SPATA13: variants seen among roughly 807,000 people sequenced by gnomAD.
SPATA13 encodes spermatogenesis-associated protein 13.
In SPATA13, 50 loss-of-function variants were observed where a neutral mutation model predicts 104.0. That is an observed-to-expected ratio of 0.48 (90% CI 0.38 to 0.61). SPATA13 has a LOEUF of 0.61. SPATA13 is among the 20% of genes least tolerant of loss of function. SPATA13 has a pLI of 0.00. For synonymous variants in SPATA13, 606 were observed against 667.5 expected (o/e 0.91, Z 1.42); for missense variants, 1,524 against 1,690.6 (o/e 0.90, Z 1.73).
At chr13:24,113,673 C>T (rs1880723422) in intron 3 of SPATA13, among the ~76,000 whole-genome samples, 1 of 151,694 alleles carries the variant, frequency 6.6e-6, no homozygotes, top group African/African-American at 2.4e-5. Flanking sequence ...AGATCCAGAC[C>T]ATCCTGGCCA....
intron 3 of SPATA13, chr13:24,123,849 A>T: frequency 1.4e-6 from 1 of 728,082 alleles, no homozygotes; most frequent in Non-Finnish European, 2.4e-6. Context: ...CCATTGGGGA[A>T]TATACAGGAA....
At chr13:24,068,656 T>C (rs1367772790) in intron 3 of SPATA13, among the ~76,000 whole-genome samples, 1 of 152,246 alleles carries the variant, frequency 6.6e-6, no homozygotes, top group Non-Finnish European at 1.5e-5. Context: ...CTGTTATTTT[T>C]GGACTATTTT....
chr13:24,074,654 G>A (rs7998390), intron 3 of SPATA13, among the ~76,000 whole-genome samples: 46,165 of 151,854 alleles, frequency 0.3, 7,288 homozygotes, highest in Middle Eastern at 0.35. Context: ...AAAAACCCTT[G>A]TAGGAATTAG....
intron 3 of SPATA13, chr13:24,123,328 C>G (rs1391416897): frequency 7.2e-7 from 1 of 1,394,578 alleles, no homozygotes; most frequent in Non-Finnish European, 1.0e-6. Context: ...AGGTTCTGAT[C>G]ACTTTCGAAC....
intron 1 of SPATA13, among the ~76,000 whole-genome samples, chr13:24,166,950 A>G (rs1882758750): frequency 6.6e-6 from 1 of 152,228 alleles, no homozygotes; most frequent in Admixed American, 6.5e-5. Context: ...GGACACATAC[A>G]TTCAGACCGT....
Position 24,304,873 on chromosome 13 carries a change from AACAG to A in SPATA13, c.*2104_*2107del, listed in dbSNP as rs1339663417. 1 of 152,136 alleles carries A rather than the reference AACAG, an allele frequency of 6.6e-6. No individual in the cohort carries two copies. The highest frequency in any genetic ancestry group is 1.5e-5 in the Non-Finnish European group (1 of 68,028). The allele number at this position is 152,136 out of a possible 1,614,324, so 9.4% of individuals were successfully genotyped here. Reference sequence around the variant, plus strand: ...TGTGTGTGTGTATGTTTCCTTCTTGAACAGACATTCCAACTTTAGATGTGTTTAT... The same window carrying A: ...TGTGTGTGTGTATGTTTCCTTCTTGAACATTCCAACTTTAGATGTGTTTAT... On this transcript the variant is annotated 3_prime_UTR_variant, in exon 13 of 13. Coordinates refer to ENST00000382108, the MANE Select transcript of SPATA13 (RefSeq NM_001166271.3).
At chr13:24,200,652 C>T (rs545789205) in intron 1 of SPATA13, among the ~76,000 whole-genome samples, 2 of 151,434 alleles carry the variant, frequency 1.3e-5, no homozygotes, top group Admixed American at 6.6e-5. Flanking sequence ...GCATAACATA[C>T]GAGATGTGAA....
At chr13:24,244,483 T>G (rs897198221) in intron 2 of SPATA13, among the ~76,000 whole-genome samples, 3 of 152,260 alleles carry the variant, frequency 2.0e-5, no homozygotes, top group African/African-American at 7.2e-5. Flanking sequence ...TAACATAGCC[T>G]ATATTGGCTT....
intron 2 of SPATA13, among the ~76,000 whole-genome samples, chr13:24,233,327 A>G (rs1477495716): frequency 6.6e-6 from 1 of 152,218 alleles, no homozygotes; most frequent in Non-Finnish European, 1.5e-5. Context: ...TTAGTGTTTT[A>G]TGATATTTCC....
At chr13:24,130,264 G>A (rs1379100050) in intron 3 of SPATA13, among the ~76,000 whole-genome samples, 3 of 152,172 alleles carry the variant, frequency 2.0e-5, no homozygotes, top group South Asian at 2.1e-4. Flanking sequence ...TCACACACAC[G>A]GCCAGTGGGA....
At chr13:24,196,076 A>T (rs1870039025) in intron 1 of SPATA13, among the ~76,000 whole-genome samples, 2 of 152,194 alleles carry the variant, frequency 1.3e-5, no homozygotes, top group Non-Finnish European at 2.9e-5. Context: ...GGTGCCAAGA[A>T]ATTCAACTAA....
rs576051998 is a variant in SPATA13, at chr13:24,011,478, G to C, written c.-146-6189G>C. On this transcript the variant is annotated intron_variant, in intron 2 of 14. Transcript: ENST00000424834. This position sits in a 1 kb window ranked among gnomAD's most constrained non-coding sequence, Gnocchi z 4.3. ...GCAGGTGGTTGAGAGTGTCCCTGCTGGTGAGGACAGAACCTGGAATTCTGT... is the reference window on the plus strand; with the variant it reads ...GCAGGTGGTTGAGAGTGTCCCTGCTCGTGAGGACAGAACCTGGAATTCTGT... Among the ~76,000 whole-genome samples, 1 of 152,296 alleles carries C rather than the reference G, an allele frequency of 6.6e-6. No homozygotes were observed. Among genetic ancestry groups the C allele is most frequent in the South Asian group, 2.1e-4 (1 of 4,812 alleles).
In SPATA13 at chr13:23,986,321, C is replaced by CA. The variant is rs202214256; in HGVS notation, c.-147+2389dup. Among the ~76,000 whole-genome samples, 1,036 of 152,282 alleles carry CA rather than the reference C, an allele frequency of 6.8e-3. 18 individuals carry two copies. Among genetic ancestry groups the CA allele is most frequent in the African/African-American group, 0.024 (999 of 41,552 alleles). On this transcript the variant is annotated intron_variant, in intron 2 of 14. Coordinates refer to the SPATA13 transcript ENST00000424834. Reference sequence around the variant, plus strand: ...TAAGAATTTTATTTAGATAACAAGACAGAGATCAGAATGGGCCAGAGGAGC... The same window carrying CA: ...TAAGAATTTTATTTAGATAACAAGACAAGAGATCAGAATGGGCCAGAGGAGC...
intron 1 of SPATA13, among the ~76,000 whole-genome samples, chr13:24,200,315 G>A (rs2138569403): frequency 6.6e-6 from 1 of 152,228 alleles, no homozygotes; most frequent in Non-Finnish European, 1.5e-5. Context: ...TAGCCCTGTT[G>A]TATGTTTCAT....
intron 3 of SPATA13, among the ~76,000 whole-genome samples, chr13:24,149,858 T>TG (rs1273272148): frequency 4.0e-5 from 6 of 151,852 alleles, no homozygotes; most frequent in Admixed American, 3.9e-4. Context: ...TGACAGGAGT[T>TG]GGGGGTGTTT....
chr13:24,121,478 A>G (rs1272747430), intron 3 of SPATA13, among the ~76,000 whole-genome samples: 1 of 152,188 alleles, frequency 6.6e-6, no homozygotes, highest in African/African-American at 2.4e-5. Context: ...TGATTTTTAT[A>G]ATCAGTTATG....
chr13:24,169,589 C>G (rs1882881710), intron 1 of SPATA13, among the ~76,000 whole-genome samples: 1 of 152,186 alleles, frequency 6.6e-6, no homozygotes, highest in South Asian at 2.1e-4. Flanking sequence ...CTATAACTTC[C>G]CTTCCCGAGG....
Position 24,297,572 on chromosome 13 carries a change from G to A in SPATA13, c.3420G>A (p.Gly1140=), listed in dbSNP as rs1876878097. 6.2e-7 allele frequency: 1 copy of A among 1,614,222 alleles called. No individual in the cohort carries two copies. Among genetic ancestry groups the A allele is most frequent in the Non-Finnish European group, 8.5e-7 (1 of 1,180,042 alleles). Residue 1140 remains glycine (G), a synonymous_variant, in exon 11 of 13, where the codon GGG becomes GGA. Coordinates refer to ENST00000382108, the MANE Select transcript of SPATA13 (RefSeq NM_001166271.3). ...TGGAGCTTGTGGACCTGGGGGATGGGCGCGACAAGGACTGCAACCTCAGCG... is the reference window on the plus strand; with the variant it reads ...TGGAGCTTGTGGACCTGGGGGATGGACGCGACAAGGACTGCAACCTCAGCG... ...DEMELVDLGD[G]RDKDCNLSVK...
At chr13:24,246,470 A>G (rs1873136440) in intron 2 of SPATA13, among the ~76,000 whole-genome samples, 1 of 152,208 alleles carries the variant, frequency 6.6e-6, no homozygotes, top group Non-Finnish European at 1.5e-5. Flanking sequence ...CTGTGAATTA[A>G]ATTGACAGAA....
Sources: allele counts gnomAD v4.1 joint callset (sites outside exome capture counted in the v4.1 genomes callset), GRCh38; gene constraint gnomAD v4.1.1; non-coding constraint Gnocchi (gnomAD v3.1); transcripts MANE v1.5; gene names NCBI Gene and HGNC (gene_info 2026-07-23, HGNC 2026-07-21).